Variants in ENG observed in about 807,000 individuals in gnomAD.
The protein encoded by ENG is endoglin.
Under a neutral mutation model 71.0 loss-of-function variants are expected in ENG, and 17 were observed. The observed-to-expected ratio is 0.24, with a 90% CI of 0.16 to 0.36. The LOEUF (loss-of-function observed/expected upper bound fraction) is 0.36. Ranked by LOEUF, ENG falls within the 10% of genes least tolerant of loss-of-function variation. The probability of loss-of-function intolerance (pLI) is 1.00; values close to 1 mark genes in which losing one functional copy is unlikely to be tolerated. For synonymous variants in ENG, 360 were observed against 366.9 expected, an observed-to-expected ratio of 0.98 and a Z score of 0.21; for missense variants, 749 against 868.3, an observed-to-expected ratio of 0.86 and a Z score of 1.73.
intron 4 of ENG, 56 bp from the exon 5 acceptor site, chr9:127,825,916 G>T: frequency 6.5e-7 from 1 of 1,547,510 alleles, no homozygotes; most frequent in Non-Finnish European, 8.7e-7. Flanking sequence ...ACCTAACAGA[G>T]CCCCGCCCTC....
chr9:127,850,736 T>A (rs1229983202), intron 1 of ENG, among the ~76,000 whole-genome samples: 2 of 152,050 alleles, frequency 1.3e-5, no homozygotes, highest in East Asian at 3.9e-4. Flanking sequence ...CACTCTTCAA[T>A]CCCAGCCACC....
At chr9:127,830,171 A>C (rs1371433533) in intron 2 of ENG, among the ~76,000 whole-genome samples, 1 of 149,888 alleles carries the variant, frequency 6.7e-6, no homozygotes, top group African/African-American at 2.5e-5. Context: ...GTGAAACCCC[A>C]TCTGTACTAA....
rs1018935323 is a variant in ENG, at chr9:127,815,368, A to G, written c.*314T>C. 2.6e-6 allele frequency: 1 copy of G among 386,326 alleles called. No individual in the cohort carries two copies. The highest frequency in any genetic ancestry group is 2.0e-5 in the African/African-American group (1 of 49,028). 23.9% of individuals were successfully genotyped at this position (386,326 alleles called of 1,614,324 possible). A position where few individuals can be genotyped will look rare whatever the true frequency, so the allele number is the denominator to read the frequency against. On this transcript the variant is annotated 3_prime_UTR_variant, in exon 15 of 15. Coordinates refer to ENST00000373203, the MANE Select transcript of ENG (RefSeq NM_001114753.3). ...TCTCCCTTCCTGCCCAGCTCAGTTC[A>G]CCAGTGCTGGATCCAGGTTCAAATG...
chr9:127,816,288 C>T (rs190969945), intron 13 of ENG: 46 of 602,820 alleles, frequency 7.6e-5, no homozygotes, highest in African/African-American at 6.8e-4. Context: ...TGGGTCATGC[C>T]TCTGCCCCTC....
chr9:127,847,194 A>C, intron 1 of ENG: 1 of 152,684 alleles, frequency 6.5e-6, no homozygotes, highest in Non-Finnish European at 1.5e-5. Context: ...TATTACACCC[A>C]TGCACACTCC....
intron 1 of ENG, among the ~76,000 whole-genome samples, chr9:127,849,977 G>A (rs1165983113): frequency 6.6e-6 from 1 of 152,240 alleles, no homozygotes; most frequent in Non-Finnish European, 1.5e-5. Context: ...CTAGCATACT[G>A]TAAGTGCTGA....
rs1310025266 is a variant in ENG, at chr9:127,838,882, T to A, written c.219+4212A>T. Among the ~76,000 whole-genome samples the A allele has an allele frequency of 6.6e-6, 1 of 152,116 alleles. No homozygotes were observed. The highest frequency in any genetic ancestry group is 1.5e-5 in the Non-Finnish European group (1 of 68,002). ...GCGGCACTTCCCCAAGGCTCTCGGC[T>A]GCCACCGCCCATCTACCACCCACCC... On this transcript the variant is annotated intron_variant, in intron 2 of 14. Coordinates refer to ENST00000373203, the MANE Select transcript of ENG (RefSeq NM_001114753.3). This position sits in a 1 kb window ranked among gnomAD's most constrained non-coding sequence, Gnocchi z 4.3.
At chr9:127,818,673 C>T (rs1830393590) in intron 11 of ENG, 43 bp downstream of exon 11, 2 of 1,595,538 alleles carry the variant, frequency 1.3e-6, no homozygotes, top group Non-Finnish European at 1.7e-6. Context: ...AGAGGAAGTT[C>T]CAGGAGCTGG....
At chr9:127,842,414 ATTTTTATTTTTTTAT>A (rs1302845555) in intron 2 of ENG, among the ~76,000 whole-genome samples, 2 of 149,084 alleles carry the variant, frequency 1.3e-5, no homozygotes, top group Admixed American at 1.3e-4. Context: ...TTTTTATTTT[ATTTTTATTTTTTTAT>A]TTTTTATTTT....
intron 2 of ENG, among the ~76,000 whole-genome samples, chr9:127,839,590 C>G (rs997466298): frequency 3.3e-5 from 5 of 152,174 alleles, no homozygotes; most frequent in East Asian, 3.8e-4. Flanking sequence ...GGGTCTTGCT[C>G]TGTCGCTCAG....
At position 127,815,529 on chromosome 9, in the gene ENG, C is replaced by T. The variant is rs1022825272; in HGVS notation, c.*153G>A. The stretch of plus-strand genomic sequence containing the variant: ...TCCAAGCCAGTGGCTGCACTGGCAG[C>T]AGGCCTCTGAGAGGGAGGCGGGAAG... On this transcript the variant is annotated 3_prime_UTR_variant, in exon 15 of 15. Coordinates refer to ENST00000373203, the MANE Select transcript of ENG (RefSeq NM_001114753.3). 1 of 1,398,692 alleles carries T rather than the reference C, an allele frequency of 7.1e-7. No individual in the cohort carries two copies. The highest frequency in any genetic ancestry group is 2.7e-5 in the Admixed American group (1 of 37,710). 86.6% of individuals were successfully genotyped at this position (1,398,692 alleles called of 1,614,324 possible). A position where few individuals can be genotyped will look rare whatever the true frequency, so the allele number is the denominator to read the frequency against.
At chr9:127,845,604 G>T (rs1233613981) in intron 1 of ENG, among the ~76,000 whole-genome samples, 1 of 152,220 alleles carries the variant, frequency 6.6e-6, no homozygotes, top group Admixed American at 6.5e-5. Flanking sequence ...ACCTCTTGGG[G>T]CTTCAATACC....
At chr9:127,827,835 G>T (rs1236224147) in intron 3 of ENG, among the ~76,000 whole-genome samples, 2 of 151,646 alleles carry the variant, frequency 1.3e-5, no homozygotes, top group African/African-American at 4.8e-5. Flanking sequence ...AGCCAACACG[G>T]TATGAAACAC....
intron 10 of ENG, 160 bp downstream of exon 10, chr9:127,819,462 A>T: frequency 1.1e-6 from 1 of 890,500 alleles, no homozygotes; most frequent in Non-Finnish European, 1.8e-6. Flanking sequence ...CACCCTCAGC[A>T]GTCCTGCTCC....
At chr9:127,839,832 A>C (rs1035407732) in intron 2 of ENG, among the ~76,000 whole-genome samples, 3 of 152,188 alleles carry the variant, frequency 2.0e-5, no homozygotes, top group Non-Finnish European at 4.4e-5. Flanking sequence ...CTGGGATTAC[A>C]GGTGTGAGCC....
At chr9:127,854,138 A>G in intron 1 of ENG, 151 bp downstream of exon 1, 2 of 738,616 alleles carry the variant, frequency 2.7e-6, no homozygotes, top group Non-Finnish European at 4.4e-6. Context: ...ATTTAGTTCC[A>G]GCAAACTGGG....
At chr9:127,819,128 G>A (rs1259901029) in intron 10 of ENG, 4 of 378,192 alleles carry the variant, frequency 1.1e-5, no homozygotes, top group Non-Finnish European at 2.0e-5. Context: ...TAGTAGATAC[G>A]GGGTTTCACC....
rs569198574 is a variant in ENG, at chr9:127,851,052, A to G, written c.67+3237T>C. The stretch of plus-strand genomic sequence containing the variant: ...CATCTGGATTAAAAGTAGCTTAAAA[A>G]GTTAGAAAAAAAAACTAGTAAGCCA... On this transcript the variant is annotated intron_variant, in intron 1 of 14. Transcript: ENST00000373203. 2.0e-5 allele frequency among the ~76,000 whole-genome samples: 3 copies of G among 152,174 alleles called. No homozygotes were observed. In the East Asian group the frequency reaches 5.8e-4, roughly 29 times the overall value.
intron 12 of ENG, 22 bp downstream of exon 12, chr9:127,818,098 G>C (rs1297106913): frequency 1.6e-5 from 26 of 1,613,944 alleles, no homozygotes; most frequent in Non-Finnish European, 2.1e-5. Flanking sequence ...TTGAAGCTGG[G>C]GCCGGCCCAG....
Sources: allele counts gnomAD v4.1 joint callset (sites outside exome capture counted in the v4.1 genomes callset), GRCh38; gene constraint gnomAD v4.1.1; non-coding constraint Gnocchi (gnomAD v3.1); transcripts MANE v1.5; gene names NCBI Gene and HGNC (gene_info 2026-07-23, HGNC 2026-07-21).